Variants in TCHHL1 observed in about 807,000 individuals in gnomAD.
The protein encoded by TCHHL1 is trichohyalin-like protein 1.
TCHHL1 carries 1 observed loss-of-function variant against 3.5 expected under a neutral mutation model. That is an observed-to-expected ratio of 0.29 (90% CI 0.10 to 1.36). TCHHL1 has a LOEUF of 1.36. TCHHL1 is among the 40% of genes most tolerant of loss of function. The pLI is 0.43. For synonymous variants in TCHHL1, 405 were observed against 375.3 expected (o/e 1.08, Z -0.92); for missense variants, 1,027 against 1,032.8 (o/e 0.99, Z 0.08).
chr1:152,087,007 C>T lies in TCHHL1; in HGVS notation c.675G>A (p.Lys225=). 5.0e-6 allele frequency: 8 copies of T among 1,614,104 alleles called. No individual in the cohort carries two copies. Among genetic ancestry groups the T allele is most frequent in the Non-Finnish European group, 6.8e-6 (8 of 1,180,026 alleles). The change falls in exon 3 of 3, where the codon AAG becomes AAA. Residue 225 remains lysine (K), a synonymous_variant. Coordinates refer to ENST00000368806, the MANE Select transcript of TCHHL1 (RefSeq NM_001008536.2). ...CCTGGGAGATCTCCTTATCTTGTCC[C>T]TTCCTCTCTGTGGGACTGCTGGTCT... ...SKKTSSPTER[K]GQDKEISQEG... is the part of the protein sequence containing the mutation.
At chr1:152,088,775 T>C (rs1657782036) in intron 1 of TCHHL1, among the ~76,000 whole-genome samples, 1 of 152,218 alleles carries the variant, frequency 6.6e-6, no homozygotes, top group African/African-American at 2.4e-5. Context: ...GATCTGATCC[T>C]GTGCCTTGTT....
chr1:152,087,438 T>C lies in TCHHL1; in HGVS notation c.244A>G (p.Asn82Asp). The C allele has an allele frequency of 6.2e-7, 1 of 1,609,898 alleles. No individual in the cohort carries two copies. Among genetic ancestry groups the C allele is most frequent in the Non-Finnish European group, 8.5e-7 (1 of 1,180,000 alleles). Residue 82 changes from asparagine (N) to aspartate (D), a missense_variant, in exon 3 of 3, where the codon AAC (asparagine) becomes GAC (aspartate). By Grantham distance (23) the Asn-to-Asp change is conservative. Coordinates refer to ENST00000368806, the MANE Select transcript of TCHHL1 (RefSeq NM_001008536.2). ...GATTTTATGTCAAGATAACAGAGGT[T>C]CAACAAGTTGAAGATTGCAAGAACA... ...EFVLAIFNLL[N>D]LCYLDIKSLL... is the part of the protein sequence containing the mutation.
At position 152,087,296 on chromosome 1, in the gene TCHHL1, T is replaced by G. The variant is rs1476226679; in HGVS notation, c.386A>C (p.Gln129Pro). ...TCCTGAAGGAAGCATCCTCTTTTCT[T>G]GAGTTGGTGAAGTTCCCACTGTCCA... ...GQWTVGTSPT[Q>P]EKRMLPSGMA... The change falls in exon 3 of 3, where the codon CAA becomes CCA. Residue 129 changes from glutamine (Q) to proline (P), a missense_variant. By Grantham distance (76) the Gln-to-Pro change is moderately conservative. Around this residue, in one of 3 missense-constraint regions of TCHHL1, gnomAD observed 338 missense variants for 335.9 expected, o/e 1.01. Coordinates refer to ENST00000368806, the MANE Select transcript of TCHHL1 (RefSeq NM_001008536.2). 1.2e-6 allele frequency: 2 copies of G among 1,614,098 alleles called. No individual in the cohort carries two copies. The highest frequency in any genetic ancestry group is 1.7e-6 in the Non-Finnish European group (2 of 1,180,014).
rs1473024085 is a variant in TCHHL1 at position 152,086,760 on chromosome 1, C to T, written c.922G>A (p.Glu308Lys). Reference sequence around the variant, plus strand: ...GATGGTGACCTGGCAGCAGCTTGTTCTGGCAGGTCAGCATGCTGTGAACTG... The same window carrying T: ...GATGGTGACCTGGCAGCAGCTTGTTTTGGCAGGTCAGCATGCTGTGAACTG... ...EPSSQHADLPEQAAARSPSQT... is the reference protein window; with the variant it reads ...EPSSQHADLPKQAAARSPSQT... The change falls in exon 3 of 3, where the codon GAA becomes AAA. Residue 308 changes from glutamate (E) to lysine (K), a missense_variant. Transcript: ENST00000368806. 6.2e-7 allele frequency: 1 copy of T among 1,614,176 alleles called. No individual in the cohort carries two copies. Among genetic ancestry groups the T allele is most frequent in the Admixed American group, 1.7e-5 (1 of 60,014 alleles).
rs557840104 is a variant in TCHHL1 at position 152,087,935 on chromosome 1, T to C, written c.138+71A>G. Reference sequence around the variant, plus strand: ...GTGTAAAATGGATGGGGATCACATATGCTCATCTTGCTTGGATTATAAAGA... The same window carrying C: ...GTGTAAAATGGATGGGGATCACATACGCTCATCTTGCTTGGATTATAAAGA... On this transcript the variant is annotated intron_variant, in intron 2 of 2. Transcript: ENST00000368806. 14 of 1,505,902 alleles carry C rather than the reference T, an allele frequency of 9.3e-6. No homozygotes were observed. In the South Asian group the frequency reaches 1.9e-4, roughly 21 times the overall value. 93.3% of individuals were successfully genotyped at this position (1,505,902 alleles called of 1,614,324 possible).
chr1:152,087,165 A>G lies in TCHHL1; in HGVS notation c.517T>C (p.Ser173Pro), dbSNP rs145646463. 4.3e-6 allele frequency: 7 copies of G among 1,614,026 alleles called. No homozygotes were observed. Among genetic ancestry groups the G allele is most frequent in the Non-Finnish European group, 5.1e-6 (6 of 1,180,008 alleles). The change falls in exon 3 of 3, where the codon TCT becomes CCT. Residue 173 changes from serine to proline, a missense_variant. Ser to Pro is a moderately conservative substitution (Grantham distance 74). Around this residue, in one of 3 missense-constraint regions of TCHHL1, gnomAD observed 338 missense variants for 335.9 expected, o/e 1.01. Coordinates refer to ENST00000368806, the MANE Select transcript of TCHHL1 (RefSeq NM_001008536.2). ...AKTHNFPGEASEHNDPKNKHL... is the reference protein window; with the variant it reads ...AKTHNFPGEAPEHNDPKNKHL... ...TTGTTCTTAGGATCATTGTGTTCAGATGCTTCTCCTGGAAAGTTGTGAGTC... is the reference window on the plus strand; with the variant it reads ...TTGTTCTTAGGATCATTGTGTTCAGGTGCTTCTCCTGGAAAGTTGTGAGTC...
intron 1 of TCHHL1, among the ~76,000 whole-genome samples, chr1:152,088,668 C>A (rs1229738413): frequency 5.3e-5 from 8 of 152,140 alleles, no homozygotes; most frequent in Non-Finnish European, 7.3e-5. Context: ...CAGGTGGTAA[C>A]AACATGCTTT....
At position 152,085,355 on chromosome 1, in the gene TCHHL1, G is replaced by A; in HGVS notation, c.2327C>T (p.Ser776Leu). The A allele has an allele frequency of 6.2e-7, 1 of 1,614,156 alleles. No individual in the cohort carries two copies. ...TCTCTGCATCTGCTTTTCAAGACTT[G>A]ACCAGGGGACTGAAGAATTGTGCTC... ...KKEHNSSVPW[S>L]SLEKQMQRDQ... The change falls in exon 3 of 3, where the codon TCA becomes TTA. Residue 776 changes from serine to leucine, a missense_variant. Physicochemically the swap from Ser to Leu is moderately radical, Grantham distance 145. This residue lies in a region of TCHHL1 where 673 missense variants were observed against 658.6 expected (regional missense o/e 1.02). Transcript: ENST00000368806.
In TCHHL1 at chr1:152,085,180, A is replaced by G; in HGVS notation, c.2502T>C (p.Leu834=). Residue 834 remains leucine (L), a synonymous_variant, in exon 3 of 3, where the codon CTT becomes CTC. Coordinates refer to ENST00000368806, the MANE Select transcript of TCHHL1 (RefSeq NM_001008536.2). The part of the protein sequence containing the change: ...VQIAQASGPE[L]CSVSLTSEIS... ...TCTCACTGGTGAGGGATACACTGCAAAGCTCTGGGCCTGATGCCTGGGCTA... is the reference window on the plus strand; with the variant it reads ...TCTCACTGGTGAGGGATACACTGCAGAGCTCTGGGCCTGATGCCTGGGCTA... The G allele has an allele frequency of 1.2e-6, 2 of 1,614,156 alleles. No homozygotes were observed. The highest frequency in any genetic ancestry group is 1.7e-6 in the Non-Finnish European group (2 of 1,180,028).
intron 1 of TCHHL1, among the ~76,000 whole-genome samples, chr1:152,088,417 T>TTCATTG (rs1342400559): frequency 6.6e-6 from 1 of 152,132 alleles, no homozygotes; most frequent in African/African-American, 2.4e-5. Context: ...ATTCATGTGC[T>TTCATTG]CAGAGAAAGC....
rs778492363 is a variant in TCHHL1 at position 152,086,013 on chromosome 1, C to G, written c.1669G>C (p.Glu557Gln). 1.9e-6 allele frequency: 3 copies of G among 1,614,210 alleles called. No individual in the cohort carries two copies. The East Asian group carries it at 6.7e-5, about 36-fold the overall frequency. ...SETPNSLASE[E>Q]GNSSSETGEL... ...CCTGTCTCTGAGCTGCTATTGCCTT[C>G]CTCTGAAGCCAGGCTGTTGGGAGTT... The change falls in exon 3 of 3, where the codon GAA (glutamate) becomes CAA (glutamine). Residue 557 changes from glutamate (E) to glutamine (Q), a missense_variant. Coordinates refer to ENST00000368806, the MANE Select transcript of TCHHL1 (RefSeq NM_001008536.2).
chr1:152,085,362 G>T lies in TCHHL1; in HGVS notation c.2320C>A (p.Pro774Thr), dbSNP rs1209102766. The change falls in exon 3 of 3, where the codon CCC becomes ACC. Residue 774 changes from proline to threonine, a missense_variant. Physicochemically the swap from Pro to Thr is conservative, Grantham distance 38. Transcript: ENST00000368806. ...ATCTGCTTTTCAAGACTTGACCAGG[G>T]GACTGAAGAATTGTGCTCTTTCTTG... Reference protein sequence around the residue: ...PAKKEHNSSVPWSSLEKQMQR... With the variant: ...PAKKEHNSSVTWSSLEKQMQR... 6.2e-7 allele frequency: 1 copy of T among 1,614,136 alleles called. No homozygotes were observed. Among genetic ancestry groups the T allele is most frequent in the Non-Finnish European group, 8.5e-7 (1 of 1,180,014 alleles).
In TCHHL1 at chr1:152,088,096, G is replaced by A; in HGVS notation, c.48C>T (p.His16=). The A allele has an allele frequency of 1.2e-6, 2 of 1,609,786 alleles. No individual in the cohort carries two copies. The highest frequency in any genetic ancestry group is 2.7e-5 in the African/African-American group (2 of 74,878). The change falls in exon 2 of 3, where the codon CAC becomes CAT. Residue 16 remains histidine, a synonymous_variant. Transcript: ENST00000368806. ...CGTTACTGTCCTCACTGGCATATTTGTGGAATGTCTCAATTACACAGAGGA... is the reference window on the plus strand; with the variant it reads ...CGTTACTGTCCTCACTGGCATATTTATGGAATGTCTCAATTACACAGAGGA... ...RNVLCVIETF[H]KYASEDSNGA...
In TCHHL1 at chr1:152,087,166, T is replaced by C; in HGVS notation, c.516A>G (p.Ala172=). Reference sequence around the variant, plus strand: ...TGTTCTTAGGATCATTGTGTTCAGATGCTTCTCCTGGAAAGTTGTGAGTCT... The same window carrying C: ...TGTTCTTAGGATCATTGTGTTCAGACGCTTCTCCTGGAAAGTTGTGAGTCT... ...EAKTHNFPGE[A]SEHNDPKNKH... is the part of the protein sequence containing the mutation. The change falls in exon 3 of 3, where the codon GCA becomes GCG. Residue 172 remains alanine (A), a synonymous_variant. Transcript: ENST00000368806. 6.2e-7 allele frequency: 1 copy of C among 1,614,258 alleles called. No homozygotes were observed. Among genetic ancestry groups the C allele is most frequent in the Non-Finnish European group, 8.5e-7 (1 of 1,180,036 alleles).
chr1:152,088,895 G>A (rs1015477078), intron 1 of TCHHL1, 125 bp downstream of exon 1: 5 of 152,100 alleles, frequency 3.3e-5, no homozygotes, highest in African/African-American at 1.2e-4. Context: ...GGCGCTCCCA[G>A]TTTATTATTA....
At position 152,086,829 on chromosome 1, in the gene TCHHL1, GT is replaced by G; in HGVS notation, c.852del (p.Lys284AsnfsTer104). On this transcript the variant is annotated frameshift_variant, in exon 3 of 3. Coordinates refer to ENST00000368806, the MANE Select transcript of TCHHL1 (RefSeq NM_001008536.2). LOFTEE classifies it low-confidence loss of function (END_TRUNC). Reference protein sequence around the residue: ...EDQEVRTEKEKHSNIQEPPLQ... With the variant: ...EDQEVRTEKEXHSNIQEPPLQ... ...AGGGGTGGTTCTTGTATATTAGAGT[GT>G]TTTTCCTTTTCTGTTCTAACTTCCT... is the stretch of plus-strand genomic sequence containing the variant. 1 of 1,614,136 alleles carries G rather than the reference GT, an allele frequency of 6.2e-7. No homozygotes were observed. Among genetic ancestry groups the G allele is most frequent in the Non-Finnish European group, 8.5e-7 (1 of 1,180,026 alleles).
chr1:152,085,373 T>C lies in TCHHL1; in HGVS notation c.2309A>G (p.Asn770Ser), dbSNP rs1657698673. The C allele has an allele frequency of 1.9e-6, 3 of 1,614,088 alleles. No individual in the cohort carries two copies. The highest frequency in any genetic ancestry group is 1.3e-5 in the African/African-American group (1 of 74,936). Residue 770 changes from asparagine to serine, a missense_variant, in exon 3 of 3, where the codon AAT becomes AGT. Physicochemically the swap from Asn to Ser is conservative, Grantham distance 46. This residue lies in a region of TCHHL1 where 673 missense variants were observed against 658.6 expected (regional missense o/e 1.02). Coordinates refer to ENST00000368806, the MANE Select transcript of TCHHL1 (RefSeq NM_001008536.2). Reference protein sequence around the residue: ...DQKSPAKKEHNSSVPWSSLEK... With the variant: ...DQKSPAKKEHSSSVPWSSLEK... ...AAGACTTGACCAGGGGACTGAAGAA[T>C]TGTGCTCTTTCTTGGCTGGACTTTT...
In TCHHL1 at chr1:152,084,724, T is replaced by C. The variant is rs991970222; in HGVS notation, c.*243A>G. On this transcript the variant is annotated 3_prime_UTR_variant, in exon 3 of 3. Transcript: ENST00000368806. Reference sequence around the variant, plus strand: ...ATGACAGGTACATTGAGATAAACTGTCTCATGACAAAGCCCATTTTGGCAT... The same window carrying C: ...ATGACAGGTACATTGAGATAAACTGCCTCATGACAAAGCCCATTTTGGCAT... The C allele has an allele frequency of 1.7e-5, 8 of 474,596 alleles. No homozygotes were observed. In the Admixed American group the frequency reaches 1.9e-4, roughly 11 times the overall value. The allele number at this position is 474,596 out of a possible 1,614,324, so 29.4% of individuals were successfully genotyped here.
chr1:152,084,858 A>C lies in TCHHL1; in HGVS notation c.*109T>G. ...AATATTTTATTATTTGTTTTTGTAG[A>C]AATTTAGGAAGAGAATTTAAAAGAT... On this transcript the variant is annotated 3_prime_UTR_variant, in exon 3 of 3. Coordinates refer to ENST00000368806, the MANE Select transcript of TCHHL1 (RefSeq NM_001008536.2). 8.0e-7 allele frequency: 1 copy of C among 1,256,458 alleles called. No individual in the cohort carries two copies. The highest frequency in any genetic ancestry group is 1.1e-6 in the Non-Finnish European group (1 of 904,254). The allele number at this position is 1,256,458 out of a possible 1,614,324, so 77.8% of individuals were successfully genotyped here. A position where few individuals can be genotyped will look rare whatever the true frequency, so the allele number is the denominator to read the frequency against.
Sources: gnomAD v4.1 joint callset for allele counts (sites outside exome capture counted in the v4.1 genomes callset) on GRCh38, gnomAD v4.1.1 for gene constraint, gnomAD v4.1.1 regional missense constraint, MANE v1.5 for transcripts, NCBI Gene and HGNC (gene_info 2026-07-23, HGNC 2026-07-21) for gene names.